PRKCE: variants seen among roughly 807,000 people sequenced by gnomAD.
PRKCE encodes the protein protein kinase C epsilon type.
Under a neutral mutation model 85.4 loss-of-function variants are expected in PRKCE, and 16 were observed. That is an observed-to-expected ratio of 0.19 (90% CI 0.13 to 0.28). PRKCE has a LOEUF of 0.28. Ranked by LOEUF, PRKCE falls within the 10% of genes least tolerant of loss-of-function variation. PRKCE has a pLI of 1.00. For missense variants in PRKCE, 573 were observed against 975.2 expected, an observed-to-expected ratio of 0.59 and a Z score of 5.49; for synonymous variants, 388 against 371.5, an observed-to-expected ratio of 1.04 and a Z score of -0.51.
At chr2:45,678,721 G>A (rs1459475019) in intron 1 of PRKCE, among the ~76,000 whole-genome samples, 2 of 151,684 alleles carry the variant, frequency 1.3e-5, no homozygotes, top group African/African-American at 4.9e-5. Context: ...CTGAGCTTTA[G>A]CTCAGCCTCG....
chr2:46,007,718 C>T (rs993309779), intron 9 of PRKCE, 57 bp downstream of exon 9: 14 of 1,533,470 alleles, frequency 9.1e-6, no homozygotes, highest in Admixed American at 3.6e-5. Context: ...AGCATTGTTT[C>T]GTCTGTTTGA....
chr2:45,969,549 G>A (rs796844619), intron 2 of PRKCE, among the ~76,000 whole-genome samples: 31 of 152,316 alleles, frequency 2.0e-4, no homozygotes, highest in African/African-American at 7.5e-4. Context: ...ACTCAGTCCA[G>A]AAGCACAGGC....
intron 1 of PRKCE, among the ~76,000 whole-genome samples, chr2:45,820,952 C>T (rs1216828864): frequency 2.0e-5 from 3 of 152,116 alleles, no homozygotes; most frequent in African/African-American, 4.8e-5. Flanking sequence ...CTAGCTCCCT[C>T]ACATCCAGAA....
intron 1 of PRKCE, among the ~76,000 whole-genome samples, chr2:45,824,842 G>A (rs1255069031): frequency 1.3e-5 from 2 of 152,130 alleles, no homozygotes; most frequent in Non-Finnish European, 2.9e-5. Flanking sequence ...TTCTAATGGA[G>A]ATTTCCTGTC....
chr2:45,876,534 C>A (rs985198345), intron 2 of PRKCE, among the ~76,000 whole-genome samples: 1 of 152,196 alleles, frequency 6.6e-6, no homozygotes, highest in African/African-American at 2.4e-5. Flanking sequence ...GGGGGTAAAT[C>A]CCACTTTTTA....
At chr2:46,165,861 T>A (rs1202567665) in intron 14 of PRKCE, among the ~76,000 whole-genome samples, 1 of 152,220 alleles carries the variant, frequency 6.6e-6, no homozygotes, top group Non-Finnish European at 1.5e-5. Context: ...AACCTAGTTG[T>A]CCTCAGTGAA....
intron 1 of PRKCE, among the ~76,000 whole-genome samples, chr2:45,684,411 G>A (rs1300992097): frequency 6.6e-6 from 1 of 152,188 alleles, no homozygotes; most frequent in East Asian, 1.9e-4. Context: ...TCAAGCCTAA[G>A]GCTGGGCTTT....
intron 1 of PRKCE, among the ~76,000 whole-genome samples, chr2:45,795,556 C>T (rs1371395858): frequency 2.6e-5 from 4 of 152,130 alleles, no homozygotes; most frequent in African/African-American, 9.7e-5. Context: ...GTGATCCACC[C>T]TCCTCAGCCT....
intron 1 of PRKCE, among the ~76,000 whole-genome samples, chr2:45,698,488 G>A (rs1205719023): frequency 6.6e-6 from 1 of 152,038 alleles, no homozygotes; most frequent in Admixed American, 6.5e-5. Context: ...TGCTAATGAT[G>A]TGGAGCTCCA....
intron 2 of PRKCE, among the ~76,000 whole-genome samples, chr2:45,932,051 A>G (rs1699087243): frequency 6.6e-6 from 1 of 152,178 alleles, no homozygotes; most frequent in Non-Finnish European, 1.5e-5. Context: ...GGTGACCAGC[A>G]TCCAGATGGA....
intron 2 of PRKCE, among the ~76,000 whole-genome samples, chr2:45,958,194 A>C (rs1286600930): frequency 2.4e-5 from 3 of 124,616 alleles, no homozygotes; most frequent in African/African-American, 1.4e-4. Flanking sequence ...GGCCCGCAAA[A>C]AAAAAAAAAA....
intron 2 of PRKCE, among the ~76,000 whole-genome samples, chr2:45,962,071 C>G (rs1405397766): frequency 6.6e-6 from 1 of 152,184 alleles, no homozygotes; most frequent in Non-Finnish European, 1.5e-5. Context: ...ACTGCTTAAA[C>G]CAAAACCTAC....
chr2:46,074,429 C>CAAAAAAAAAAAAAAAAAAAAAAAAACCA (rs11287357), intron 10 of PRKCE, among the ~76,000 whole-genome samples: 1 of 93,886 alleles, frequency 1.1e-5, no homozygotes, highest in Non-Finnish European at 2.1e-5. Context: ...CAACAACAAC[C>CAAAAAAAAAAAAAAAAAAAAAAAAACCA]AAAAAAAAAA....
At chr2:45,882,794 C>T (rs1401106163) in intron 2 of PRKCE, among the ~76,000 whole-genome samples, 1 of 152,266 alleles carries the variant, frequency 6.6e-6, no homozygotes, top group Non-Finnish European at 1.5e-5. Context: ...CTCAACGTTT[C>T]TTAAATGTTC....
intron 1 of PRKCE, among the ~76,000 whole-genome samples, chr2:45,771,453 C>G (rs1685320787): frequency 6.6e-6 from 1 of 152,114 alleles, no homozygotes; most frequent in African/African-American, 2.4e-5. Context: ...GAGAACCTGT[C>G]GGCCGGCCTC....
intron 10 of PRKCE, among the ~76,000 whole-genome samples, chr2:46,066,589 C>T (rs927602240): frequency 1.3e-5 from 2 of 152,204 alleles, no homozygotes; most frequent in African/African-American, 4.8e-5. Flanking sequence ...GTGCTTGGGG[C>T]ATAGTCTGTG....
chr2:46,114,366 C>T (rs1469865469), intron 11 of PRKCE, among the ~76,000 whole-genome samples: 1 of 146,946 alleles, frequency 6.8e-6, no homozygotes, highest in African/African-American at 2.5e-5. Flanking sequence ...ATTGCCTGAC[C>T]AAAAGGGCTA....
chr2:45,759,769 G>C (rs1684305827), intron 1 of PRKCE, among the ~76,000 whole-genome samples: 1 of 152,188 alleles, frequency 6.6e-6, no homozygotes, highest in South Asian at 2.1e-4. Flanking sequence ...ATTATGTGCT[G>C]TTTAAAATCT....
intron 12 of PRKCE, among the ~76,000 whole-genome samples, chr2:46,149,701 ATATATATGTATTTT>A (rs1375637807): frequency 4.7e-4 from 68 of 145,766 alleles, no homozygotes; most frequent in Non-Finnish European, 6.6e-4. Context: ...CTCCATATAT[ATATATATGTATTTT>A]TATATATATG....
Sources: allele counts gnomAD v4.1 joint callset (sites outside exome capture counted in the v4.1 genomes callset), GRCh38; gene constraint gnomAD v4.1.1; transcripts MANE v1.5; gene names NCBI Gene and HGNC (gene_info 2026-07-23, HGNC 2026-07-21).